Variants in BMPER observed in about 807,000 individuals in gnomAD.
BMPER encodes BMP-binding endothelial regulator protein.
In BMPER, 45 loss-of-function variants were observed where a neutral mutation model predicts 87.3. The ratio of observed to expected loss-of-function variants is 0.52; its 90% CI spans 0.41 to 0.66. The LOEUF (loss-of-function observed/expected upper bound fraction) is 0.66, where lower values mean the gene tolerates loss of function less well. Ranked by LOEUF, BMPER falls within the 30% of genes least tolerant of loss-of-function variation. The probability of loss-of-function intolerance (pLI) is 0.00; values close to 1 mark genes in which losing one functional copy is unlikely to be tolerated. For synonymous variants in BMPER, 326 were observed against 316.2 expected, an observed-to-expected ratio of 1.03 and a Z score of -0.33; for missense variants, 784 against 867.5, an observed-to-expected ratio of 0.90 and a Z score of 1.21.
intron 13 of BMPER, among the ~76,000 whole-genome samples, chr7:34,114,491 C>G (rs1323477901): frequency 6.6e-6 from 1 of 152,188 alleles, no homozygotes; most frequent in Non-Finnish European, 1.5e-5. Flanking sequence ...CCTTCTAGTT[C>G]CCAGGATCTG....
intron 3 of BMPER, among the ~76,000 whole-genome samples, chr7:33,954,323 G>T (rs565681151): frequency 6.6e-6 from 1 of 152,316 alleles, no homozygotes; most frequent in East Asian, 1.9e-4. Flanking sequence ...CTACCTGAAA[G>T]TTCATGGTCT....
chr7:34,128,904 G>A (rs969036928), intron 13 of BMPER, among the ~76,000 whole-genome samples: 1 of 152,166 alleles, frequency 6.6e-6, no homozygotes. Context: ...AGGAATTCCT[G>A]CAGGGAGTAG....
chr7:34,024,240 C>G (rs1787277760), intron 6 of BMPER, among the ~76,000 whole-genome samples: 2 of 148,966 alleles, frequency 1.3e-5, no homozygotes, highest in African/African-American at 5.0e-5. Context: ...TGCCTGTAAT[C>G]CCAGCTACTG....
chr7:34,120,995 C>A (rs1243642441), intron 13 of BMPER, among the ~76,000 whole-genome samples: 1 of 151,012 alleles, frequency 6.6e-6, no homozygotes, highest in Non-Finnish European at 1.5e-5. Context: ...TAACAATTAG[C>A]TATTCGTAGG....
intron 8 of BMPER, 127 bp from the exon 9 acceptor site, chr7:34,055,036 T>C: frequency 7.5e-7 from 1 of 1,335,702 alleles, no homozygotes; most frequent in Non-Finnish European, 1.1e-6. Flanking sequence ...TTTATTGCAA[T>C]AAATTAAAAT....
At chr7:33,980,796 T>C (rs922896714) in intron 6 of BMPER, among the ~76,000 whole-genome samples, 2 of 152,194 alleles carry the variant, frequency 1.3e-5, no homozygotes, top group Non-Finnish European at 2.9e-5. Context: ...TTTTTACCAA[T>C]AAACATGGGT....
At chr7:34,062,187 G>A in intron 11 of BMPER, 140 bp downstream of exon 11, 1 of 700,210 alleles carries the variant, frequency 1.4e-6, no homozygotes, top group Admixed American at 2.5e-5. Flanking sequence ...CCTCCCTACA[G>A]TCACTTTAAG....
At chr7:34,124,109 C>A (rs1790333932) in intron 13 of BMPER, among the ~76,000 whole-genome samples, 2 of 152,076 alleles carry the variant, frequency 1.3e-5, no homozygotes, top group African/African-American at 2.4e-5. Flanking sequence ...ATATTTAAAT[C>A]TATTTCCTGG....
intron 13 of BMPER, among the ~76,000 whole-genome samples, chr7:34,116,668 T>C (rs1790125393): frequency 6.6e-6 from 1 of 152,222 alleles, no homozygotes; most frequent in African/African-American, 2.4e-5. Flanking sequence ...AATCAAACAA[T>C]AAACAATCAA....
At chr7:34,139,230 A>G (rs1055950531) in intron 13 of BMPER, among the ~76,000 whole-genome samples, 1 of 152,222 alleles carries the variant, frequency 6.6e-6, no homozygotes, top group Non-Finnish European at 1.5e-5. Flanking sequence ...TAGTAGACCA[A>G]TGAAATACAA....
At chr7:34,117,905 A>G (rs866488150) in intron 13 of BMPER, among the ~76,000 whole-genome samples, 1 of 152,250 alleles carries the variant, frequency 6.6e-6, no homozygotes, top group Non-Finnish European at 1.5e-5. Context: ...AGATTTAAGC[A>G]TAAACCTCTG....
At chr7:34,000,236 A>C (rs1242880457) in intron 6 of BMPER, among the ~76,000 whole-genome samples, 1 of 152,200 alleles carries the variant, frequency 6.6e-6, no homozygotes, top group African/African-American at 2.4e-5. Context: ...TGACTCTGAC[A>C]TGTTTTAGTG....
chr7:34,117,746 A>G (rs1002237386), intron 13 of BMPER, among the ~76,000 whole-genome samples: 3 of 152,238 alleles, frequency 2.0e-5, no homozygotes, highest in African/African-American at 7.2e-5. Context: ...ACCCAGAAAC[A>G]GAAGGTTGGG....
chr7:34,116,999 AAAAAG>A (rs1432756330), intron 13 of BMPER, among the ~76,000 whole-genome samples: 1 of 152,090 alleles, frequency 6.6e-6, no homozygotes, highest in Non-Finnish European at 1.5e-5. Flanking sequence ...CCGAAAAAAA[AAAAAG>A]AAAAGAAAAA....
chr7:34,045,302 C>T (rs536843111), intron 6 of BMPER, among the ~76,000 whole-genome samples: 86 of 152,272 alleles, frequency 5.6e-4, no homozygotes, highest in African/African-American at 1.9e-3. Context: ...GCCCGTTGGA[C>T]GTAAATCAAC....
At chr7:33,935,763 C>T (rs1784587609) in intron 2 of BMPER, among the ~76,000 whole-genome samples, 1 of 152,166 alleles carries the variant, frequency 6.6e-6, no homozygotes, top group Non-Finnish European at 1.5e-5. Flanking sequence ...CTCTGGGTGT[C>T]AGACAAGTCC....
At chr7:33,935,212 C>T (rs1333304687) in intron 2 of BMPER, among the ~76,000 whole-genome samples, 1 of 152,140 alleles carries the variant, frequency 6.6e-6, no homozygotes, top group African/African-American at 2.4e-5. Context: ...GGAAGGAGTT[C>T]TGGGGAGCGT....
chr7:34,077,578 C>T (rs952947927), intron 11 of BMPER, among the ~76,000 whole-genome samples: 5 of 152,110 alleles, frequency 3.3e-5, no homozygotes, highest in Non-Finnish European at 5.9e-5. Flanking sequence ...ACAAGGAAAA[C>T]TAATTTAGAA....
chr7:33,931,248 A>G (rs1487850117), intron 2 of BMPER, among the ~76,000 whole-genome samples: 1 of 152,138 alleles, frequency 6.6e-6, no homozygotes, highest in Non-Finnish European at 1.5e-5. Flanking sequence ...GAGCTAACCT[A>G]ATTTGAATAT....
Sources: gnomAD v4.1 joint callset for allele counts (sites outside exome capture counted in the v4.1 genomes callset) on GRCh38, gnomAD v4.1.1 for gene constraint, MANE v1.5 for transcripts, NCBI Gene and HGNC (gene_info 2026-07-23, HGNC 2026-07-21) for gene names.